Variants in DNAH9 observed in about 807,000 individuals in gnomAD.
The protein encoded by DNAH9 is DNAH9 variant protein.
A neutral mutation model predicts 471.6 loss-of-function variants in DNAH9; 345 were observed. The ratio of observed to expected loss-of-function variants is 0.73; its 90% CI spans 0.67 to 0.80. DNAH9 has a LOEUF of 0.80. Among genes scored for constraint, DNAH9 ranks in the 30% least tolerant of loss-of-function variants. The pLI, the probability that DNAH9 is intolerant of heterozygous loss-of-function variation, is 0.00. For missense variants in DNAH9, 5,407 were observed against 5,609.2 expected, an observed-to-expected ratio of 0.96 and a Z score of 1.15; for synonymous variants, 2,093 against 2,123.6, an observed-to-expected ratio of 0.99 and a Z score of 0.40.
intron 14 of DNAH9, among the ~76,000 whole-genome samples, chr17:11,661,892 C>T (rs2073771868): frequency 6.6e-6 from 1 of 152,028 alleles, no homozygotes; most frequent in African/African-American, 2.4e-5. Context: ...TACTCACATA[C>T]TCATCATCTT....
chr17:11,690,435 A>C lies in DNAH9; in HGVS notation c.4613A>C (p.Gln1538Pro). Reference protein sequence around the residue: ...GSEDIRAQLPQDSKRFEGIDI... With the variant: ...GSEDIRAQLPPDSKRFEGIDI... ...GAAGATATTCGGGCACAGCTACCCCAGGTACCTGCTAAGGAAATCTAGAAT... is the reference window on the plus strand; with the variant it reads ...GAAGATATTCGGGCACAGCTACCCCCGGTACCTGCTAAGGAAATCTAGAAT... Residue 1538 changes from glutamine to proline, a missense_variant and splice_region_variant, in exon 20 of 69, where the codon CAG (glutamine) becomes CCG (proline). By Grantham distance (76) the Gln-to-Pro change is moderately conservative. Coordinates refer to ENST00000262442, the MANE Select transcript of DNAH9 (RefSeq NM_001372.4). The C allele has an allele frequency of 6.2e-7, 1 of 1,611,972 alleles. No individual in the cohort carries two copies. Among genetic ancestry groups the C allele is most frequent in the South Asian group, 1.1e-5 (1 of 90,926 alleles).
At chr17:11,966,798 A>AAGT (rs748760026) in intron 68 of DNAH9, among the ~76,000 whole-genome samples, 18 of 151,844 alleles carry the variant, frequency 1.2e-4, no homozygotes, top group Non-Finnish European at 2.1e-4. Context: ...CAGTGGCTCA[A>AAGT]GCCTGTAATC....
At position 11,784,407 on chromosome 17, in the gene DNAH9, C is replaced by T. The variant is rs746888997; in HGVS notation, c.7929C>T (p.Ser2643=). 97 of 1,614,090 alleles carry T rather than the reference C, an allele frequency of 6.0e-5. No homozygotes were observed. Among genetic ancestry groups the T allele is most frequent in the Non-Finnish European group, 1.9e-5 (23 of 1,180,050 alleles). Residue 2643 remains serine (S), a synonymous_variant, in exon 41 of 69, where the codon TCC becomes TCT. Coordinates refer to ENST00000262442, the MANE Select transcript of DNAH9 (RefSeq NM_001372.4). ...TGAAGCTCGGAAACTTCCCGGCGTC[C>T]CTGCAGAAATCCATCCCCCCACTGA... The part of the protein sequence containing the change: ...QHLKLGNFPA[S]LQKSIPPLID...
chr17:11,945,068 C>G (rs944306380), intron 67 of DNAH9, among the ~76,000 whole-genome samples: 3 of 152,090 alleles, frequency 2.0e-5, no homozygotes, highest in Non-Finnish European at 4.4e-5. Flanking sequence ...GAGTGAGAGG[C>G]GGAGGGCCTA....
intron 44 of DNAH9, 99 bp downstream of exon 44, chr17:11,807,993 C>G (rs1036294483): frequency 7.5e-7 from 1 of 1,326,508 alleles, no homozygotes; most frequent in Admixed American, 2.4e-5. Context: ...CTGTCTGGAG[C>G]CTCCCCTTCA....
intron 1 of DNAH9, 92 bp downstream of exon 1, chr17:11,599,007 G>T: frequency 9.5e-7 from 1 of 1,051,448 alleles, no homozygotes; most frequent in Admixed American, 3.5e-5. Context: ...AGAGGGGGCG[G>T]GGCGAAGCTG....
chr17:11,913,936 G>C (rs990432467), intron 61 of DNAH9, among the ~76,000 whole-genome samples: 1 of 152,084 alleles, frequency 6.6e-6, no homozygotes. Flanking sequence ...AAGAATGAAT[G>C]CATATTCATT....
chr17:11,781,705 G>A (rs1025422587), intron 39 of DNAH9, among the ~76,000 whole-genome samples: 13 of 152,038 alleles, frequency 8.6e-5, no homozygotes, highest in South Asian at 2.1e-4. Flanking sequence ...GATGGCAGGC[G>A]CCTGTAGTCC....
At chr17:11,885,161 C>A (rs1972841509) in intron 56 of DNAH9, among the ~76,000 whole-genome samples, 1 of 152,170 alleles carries the variant, frequency 6.6e-6, no homozygotes, top group Non-Finnish European at 1.5e-5. Context: ...TAGGGCCTGG[C>A]CCTCTAAGGA....
At chr17:11,742,053 A>G (rs984583115) in intron 29 of DNAH9, 122 bp from the exon 30 acceptor site, 3 of 799,626 alleles carry the variant, frequency 3.8e-6, no homozygotes, top group South Asian at 3.5e-5. Flanking sequence ...AGGTCTTTCC[A>G]TGAGTTTTTG....
intron 59 of DNAH9, among the ~76,000 whole-genome samples, chr17:11,901,435 C>T (rs1302471948): frequency 1.3e-5 from 2 of 152,176 alleles, no homozygotes; most frequent in East Asian, 3.9e-4. Flanking sequence ...GTGGCTCACA[C>T]CCGTAATCCC....
chr17:11,783,416 A>G (rs1371803223), intron 39 of DNAH9, among the ~76,000 whole-genome samples: 2 of 152,026 alleles, frequency 1.3e-5, no homozygotes, highest in East Asian at 1.9e-4. Flanking sequence ...TTTTTCTCCT[A>G]TCTTTTTGTC....
chr17:11,634,964 G>A (rs2073133979), intron 8 of DNAH9, among the ~76,000 whole-genome samples: 1 of 152,290 alleles, frequency 6.6e-6, no homozygotes, highest in South Asian at 2.1e-4. Flanking sequence ...AGGATAAAGA[G>A]CATAAGGTCT....
intron 27 of DNAH9, among the ~76,000 whole-genome samples, chr17:11,725,067 G>A (rs891905116): frequency 6.6e-6 from 1 of 152,190 alleles, no homozygotes; most frequent in African/African-American, 2.4e-5. Flanking sequence ...TGCTGCCACT[G>A]ATCTGACAGG....
intron 43 of DNAH9, among the ~76,000 whole-genome samples, chr17:11,799,837 G>A (rs1254697209): frequency 1.3e-5 from 2 of 152,128 alleles, no homozygotes; most frequent in Admixed American, 1.3e-4. Flanking sequence ...CACCCGCCTT[G>A]GACTCCCAAA....
At chr17:11,923,387 T>C (rs59990418) in intron 61 of DNAH9, among the ~76,000 whole-genome samples, 28,309 of 138,448 alleles carry the variant, frequency 0.2, 2,732 homozygotes, top group East Asian at 0.3. Context: ...TCTCGGCTCA[T>C]TGCAAGGTCC....
At position 11,821,883 on chromosome 17, in the gene DNAH9, T is replaced by C. The variant is rs769993276; in HGVS notation, c.8708-37T>C. 3.1e-6 allele frequency: 5 copies of C among 1,591,568 alleles called. No homozygotes were observed. In the East Asian group the frequency reaches 6.7e-5, roughly 21 times the overall value. ...TGTCTGATTGCATCATTTAACGAGA[T>C]GCCAAGGCTGCCTATCTGTGCTCCA... is the stretch of plus-strand genomic sequence containing the variant. On this transcript the variant is annotated intron_variant, in intron 45 of 68. Transcript: ENST00000262442.
intron 64 of DNAH9, among the ~76,000 whole-genome samples, chr17:11,933,214 C>T: frequency 6.6e-6 from 1 of 152,106 alleles, no homozygotes; most frequent in East Asian, 1.9e-4. Flanking sequence ...GTACTCTGGT[C>T]CTCACTTTTC....
intron 67 of DNAH9, among the ~76,000 whole-genome samples, chr17:11,958,060 C>T (rs896648728): frequency 6.6e-6 from 1 of 152,116 alleles, no homozygotes; most frequent in Non-Finnish European, 1.5e-5. Flanking sequence ...TACATCCAGA[C>T]AGTGGATTAT....
Sources: gnomAD v4.1 joint callset for allele counts (sites outside exome capture counted in the v4.1 genomes callset) on GRCh38, gnomAD v4.1.1 for gene constraint, MANE v1.5 for transcripts, NCBI Gene and HGNC (gene_info 2026-07-23, HGNC 2026-07-21) for gene names.